The following ADARB2 variants were observed in gnomAD, a reference collection of about 807,000 sequenced individuals.
ADARB2 encodes inactive double-stranded RNA-specific editase B2.
In ADARB2, 25 loss-of-function variants were observed where a neutral mutation model predicts 62.2. The ratio of observed to expected loss-of-function variants is 0.40; its 90% CI spans 0.29 to 0.56. ADARB2 has a LOEUF of 0.56. ADARB2 is among the 20% of genes least tolerant of loss of function. The pLI is 0.43. For synonymous variants in ADARB2, 572 were observed against 500.8 expected (o/e 1.14, Z -1.90); for missense variants, 1,071 against 1,077.4 (o/e 0.99, Z 0.08).
chr10:1,453,543 G>C (rs973317515), intron 1 of ADARB2, among the ~76,000 whole-genome samples: 1 of 152,030 alleles, frequency 6.6e-6, no homozygotes. Context: ...AATGGTCTCG[G>C]TACCCTTTTC....
At position 1,179,069 on chromosome 10, in the gene ADARB2, A is replaced by G. The variant is rs531661319; in HGVS notation, c.*4124T>C. The G allele has an allele frequency of 3.7e-4, 57 of 152,324 alleles. No individual in the cohort carries two copies. The highest frequency in any genetic ancestry group is 1.4e-3 in the African/African-American group (57 of 41,580). 9.4% of individuals were successfully genotyped at this position (152,324 alleles called of 1,614,324 possible). Reference sequence around the variant, plus strand: ...CTTTATGTACGTCTCAAATGTCTTCAGTTGTTTTAAACAATACACTATAGA... The same window carrying G: ...CTTTATGTACGTCTCAAATGTCTTCGGTTGTTTTAAACAATACACTATAGA... On this transcript the variant is annotated 3_prime_UTR_variant, in exon 10 of 10. Coordinates refer to ENST00000381312, the MANE Select transcript of ADARB2 (RefSeq NM_018702.4).
chr10:1,414,701 G>A (rs980294506), intron 1 of ADARB2, among the ~76,000 whole-genome samples: 4 of 152,166 alleles, frequency 2.6e-5, no homozygotes, highest in African/African-American at 9.7e-5. Context: ...CCATGATCAC[G>A]ATGGCCCCTG....
chr10:1,581,825 GATGTGTGTGT>G (rs768657864), intron 1 of ADARB2, among the ~76,000 whole-genome samples: 10 of 47,856 alleles, frequency 2.1e-4, no homozygotes, highest in Non-Finnish European at 4.7e-4. Context: ...CTTAGAAATA[GATGTGTGTGT>G]GTGTGTGTGT....
chr10:1,405,863 A>G (rs1832703406), intron 1 of ADARB2, among the ~76,000 whole-genome samples: 1 of 151,898 alleles, frequency 6.6e-6, no homozygotes. Flanking sequence ...AGATACACCC[A>G]TTTATGAAAC....
intron 3 of ADARB2, among the ~76,000 whole-genome samples, chr10:1,287,338 G>GT (rs1831423224): frequency 5.3e-5 from 8 of 152,194 alleles, no homozygotes. Flanking sequence ...ATTGTGGGAT[G>GT]ATCATATCAG....
At chr10:1,696,603 T>C (rs1834749221) in intron 1 of ADARB2, among the ~76,000 whole-genome samples, 1 of 152,196 alleles carries the variant, frequency 6.6e-6, no homozygotes, top group Admixed American at 6.5e-5. Flanking sequence ...GGCAGCTGCA[T>C]CCTGTTGAAC....
chr10:1,421,681 G>A (rs1184882640), intron 1 of ADARB2, among the ~76,000 whole-genome samples: 3 of 152,176 alleles, frequency 2.0e-5, no homozygotes, highest in Non-Finnish European at 4.4e-5. Context: ...GAAGTCAGGA[G>A]AGTCCACGCT....
chr10:1,714,599 T>C (rs1834993435), intron 1 of ADARB2, among the ~76,000 whole-genome samples: 1 of 152,236 alleles, frequency 6.6e-6, no homozygotes, highest in Non-Finnish European at 1.5e-5. Flanking sequence ...TTATGTTTCT[T>C]ATTTAAGTAA....
In ADARB2 at chr10:1,181,004, T is replaced by C. The variant is rs4880484; in HGVS notation, c.*2189A>G. The C allele has an allele frequency of 0.33, 50,870 of 152,196 alleles. 8,559 individuals are homozygous for C. The highest frequency in any genetic ancestry group is 0.4 in the Admixed American group (6,104 of 15,288). The allele number at this position is 152,196 out of a possible 1,614,324, so 9.4% of individuals were successfully genotyped here. ...GCTGGCCACTGGGTGGCCGAGCGCT[T>C]TCCGAGTCCCGTGAATCAGACCCTG... On this transcript the variant is annotated 3_prime_UTR_variant, in exon 10 of 10. Transcript: ENST00000381312.
intron 1 of ADARB2, among the ~76,000 whole-genome samples, chr10:1,633,660 T>C (rs768721047): frequency 1.3e-5 from 2 of 150,494 alleles, no homozygotes; most frequent in Admixed American, 6.7e-5. Flanking sequence ...TGGTTCTGTT[T>C]CTCTGGAGAA....
chr10:1,242,061 C>T, intron 5 of ADARB2, 70 bp downstream of exon 5: 1 of 1,492,668 alleles, frequency 6.7e-7, no homozygotes, highest in South Asian at 1.3e-5. Flanking sequence ...AGGCATGGGG[C>T]CCCATCTGCT....
chr10:1,259,275 C>A (rs915754377), intron 4 of ADARB2, among the ~76,000 whole-genome samples: 1 of 152,072 alleles, frequency 6.6e-6, no homozygotes, highest in Admixed American at 6.5e-5. Flanking sequence ...CAAAAGCTAG[C>A]AGAAGGCAAG....
At position 1,662,814 on chromosome 10, in the gene ADARB2, C is replaced by T. The variant is rs75388685; in HGVS notation, c.100+74237G>A. 2.4e-3 allele frequency among the ~76,000 whole-genome samples: 366 copies of T among 152,304 alleles called. 1 individual carries two copies. Among genetic ancestry groups the T allele is most frequent in the African/African-American group, 8.4e-3 (350 of 41,578 alleles). Reference sequence around the variant, plus strand: ...GGTGCTGGGCAGGAAGTTGGGGCGACGTCTCCCAGCAGTGCCCCTCTAGGG... The same window carrying T: ...GGTGCTGGGCAGGAAGTTGGGGCGATGTCTCCCAGCAGTGCCCCTCTAGGG... On this transcript the variant is annotated intron_variant, in intron 1 of 9. Transcript: ENST00000381312.
At chr10:1,194,526 A>AATCT (rs10633061) in intron 8 of ADARB2, among the ~76,000 whole-genome samples, 118,235 of 151,312 alleles carry the variant, frequency 0.78, 46,556 homozygotes, top group East Asian at 0.99. Context: ...CTATCTATCT[A>AATCT]ATCTATCTAT....
At chr10:1,582,496 T>C (rs768622070) in intron 1 of ADARB2, among the ~76,000 whole-genome samples, 22 of 152,184 alleles carry the variant, frequency 1.4e-4, no homozygotes, top group Non-Finnish European at 2.2e-4. Context: ...AATAAATCCA[T>C]GCATTTTTTT....
rs550340788 is a variant in ADARB2 at position 1,517,617 on chromosome 10, A to G, written c.101-138457T>C. Among the ~76,000 whole-genome samples the G allele has an allele frequency of 2.6e-5, 4 of 152,224 alleles. No homozygotes were observed. In the South Asian group the frequency reaches 6.2e-4, roughly 24 times the overall value. ...CCCACCAAGTGAATTTGCTAATGCC[A>G]TGTGTCACCTCGCTTAATAATGAGG... On this transcript the variant is annotated intron_variant, in intron 1 of 9. Coordinates refer to ENST00000381312, the MANE Select transcript of ADARB2 (RefSeq NM_018702.4).
intron 3 of ADARB2, among the ~76,000 whole-genome samples, chr10:1,302,605 C>T (rs992087013): frequency 2.6e-5 from 4 of 152,212 alleles, no homozygotes; most frequent in African/African-American, 9.6e-5. Flanking sequence ...ACAGCAGTAA[C>T]CTCTGCAGAC....
chr10:1,312,072 A>G (rs935315665), intron 3 of ADARB2, among the ~76,000 whole-genome samples: 10 of 152,248 alleles, frequency 6.6e-5, no homozygotes, highest in African/African-American at 2.4e-4. Context: ...ATGTGAAAAT[A>G]AAGTATTAAA....
intron 1 of ADARB2, among the ~76,000 whole-genome samples, chr10:1,480,641 T>C (rs1831456894): frequency 1.4e-5 from 2 of 143,270 alleles, no homozygotes; most frequent in African/African-American, 5.1e-5. Flanking sequence ...GAGCTTGCAG[T>C]GAGCTGAGAT....
Sources: gnomAD v4.1 joint callset for allele counts (sites outside exome capture counted in the v4.1 genomes callset) on GRCh38, gnomAD v4.1.1 for gene constraint, MANE v1.5 for transcripts, NCBI Gene and HGNC (gene_info 2026-07-23, HGNC 2026-07-21) for gene names.